The following GRID2 variants were observed in gnomAD, a reference collection of about 807,000 sequenced individuals.
GRID2 encodes glutamate receptor ionotropic, delta-2.
GRID2 carries 33 observed loss-of-function variants against 114.8 expected under a neutral mutation model. The observed-to-expected ratio is 0.29, with a 90% CI of 0.22 to 0.38. The LOEUF is 0.38. Ranked by LOEUF, GRID2 falls within the 10% of genes least tolerant of loss-of-function variation. The pLI is 1.00. For synonymous variants in GRID2, 505 were observed against 449.9 expected, an observed-to-expected ratio of 1.12 and a Z score of -1.55; for missense variants, 1,184 against 1,257.7, an observed-to-expected ratio of 0.94 and a Z score of 0.89.
At chr4:93,248,955 G>T (rs1748511123) in intron 8 of GRID2, among the ~76,000 whole-genome samples, 2 of 152,258 alleles carry the variant, frequency 1.3e-5, no homozygotes, top group Admixed American at 6.5e-5. Context: ...TGTAGTGACT[G>T]AAAATTGATT....
chr4:93,557,115 C>G (rs143722509), intron 13 of GRID2, among the ~76,000 whole-genome samples: 1 of 152,116 alleles, frequency 6.6e-6, no homozygotes, highest in Admixed American at 6.6e-5. Flanking sequence ...GAGGAAAAAA[C>G]GGTACCAGCC....
chr4:92,485,611 A>G (rs1319945242), intron 1 of GRID2, among the ~76,000 whole-genome samples: 4 of 151,316 alleles, frequency 2.6e-5, no homozygotes, highest in Non-Finnish European at 5.9e-5. Context: ...GATTGCTTGA[A>G]CCTGTGAGGC....
intron 8 of GRID2, among the ~76,000 whole-genome samples, chr4:93,371,428 G>T (rs868368543): frequency 6.6e-6 from 1 of 151,846 alleles, no homozygotes; most frequent in South Asian, 2.1e-4. Flanking sequence ...TATTATTCTA[G>T]ATACTGTACT....
At chr4:93,728,089 T>G in intron 14 of GRID2, among the ~76,000 whole-genome samples, 1 of 152,156 alleles carries the variant, frequency 6.6e-6, no homozygotes, top group African/African-American at 2.4e-5. Flanking sequence ...GGGTGTCAAT[T>G]TTAGATCTTT....
intron 2 of GRID2, among the ~76,000 whole-genome samples, chr4:92,858,062 T>C (rs1049605437): frequency 6.6e-6 from 1 of 152,162 alleles, no homozygotes; most frequent in African/African-American, 2.4e-5. Flanking sequence ...AGACATAGTG[T>C]TCAGAAAACA....
chr4:92,854,532 T>G (rs1166812922), intron 2 of GRID2, among the ~76,000 whole-genome samples: 3 of 151,652 alleles, frequency 2.0e-5, no homozygotes, highest in East Asian at 1.9e-4. Context: ...GAAGTTGTGA[T>G]GTGTGTTTGT....
At position 93,552,218 on chromosome 4, in the gene GRID2, T is replaced by C. The variant is rs989185297; in HGVS notation, c.2193+36807T>C. Among the ~76,000 whole-genome samples, 9 of 152,134 alleles carry C rather than the reference T, an allele frequency of 5.9e-5. No homozygotes were observed. In the South Asian group the frequency reaches 8.3e-4, roughly 14 times the overall value. On this transcript the variant is annotated intron_variant, in intron 13 of 15. Coordinates refer to ENST00000282020, the MANE Select transcript of GRID2 (RefSeq NM_001510.4). ...TACAAAGGACATGAACTCATCATTT[T>C]TTATGGCTGCATAGTATTCCATGGT...
intron 3 of GRID2, among the ~76,000 whole-genome samples, chr4:93,100,793 T>A (rs1315074061): frequency 6.6e-6 from 1 of 151,926 alleles, no homozygotes. Context: ...AGGAAAAAAA[T>A]AAGACACAAA....
At chr4:92,321,079 G>A (rs1726289429) in intron 1 of GRID2, among the ~76,000 whole-genome samples, 1 of 152,094 alleles carries the variant, frequency 6.6e-6, no homozygotes, top group Non-Finnish European at 1.5e-5. Flanking sequence ...ATCGAAATAT[G>A]TTTTATAGAA....
At chr4:92,883,201 T>A (rs1746141990) in intron 2 of GRID2, among the ~76,000 whole-genome samples, 1 of 152,228 alleles carries the variant, frequency 6.6e-6, no homozygotes, top group Non-Finnish European at 1.5e-5. Context: ...TAGGAGTAGA[T>A]TCCACCTCAA....
chr4:93,699,820 C>T (rs1053956878), intron 14 of GRID2, among the ~76,000 whole-genome samples: 16 of 152,108 alleles, frequency 1.1e-4, no homozygotes, highest in Non-Finnish European at 2.9e-5. Flanking sequence ...AGATGATATT[C>T]CAACTTTCTC....
At chr4:92,675,447 A>G (rs1000476595) in intron 2 of GRID2, among the ~76,000 whole-genome samples, 3 of 152,056 alleles carry the variant, frequency 2.0e-5, no homozygotes, top group Admixed American at 6.5e-5. Context: ...TACTCTGTAC[A>G]TTAAATTTCA....
chr4:93,103,925 T>C lies in GRID2; in HGVS notation c.530-6823T>C, dbSNP rs573794128. ...GCAAAAATCTTCATTTTTTTTTTTT[T>C]TTAAGTTTCAGCTTTTACTTTAGGT... On this transcript the variant is annotated intron_variant, in intron 3 of 15. Transcript: ENST00000282020. Among the ~76,000 whole-genome samples, 8 of 152,132 alleles carry C rather than the reference T, an allele frequency of 5.3e-5. No individual in the cohort carries two copies. In the East Asian group the frequency reaches 1.5e-3, roughly 29 times the overall value.
chr4:93,123,544 C>G (rs1733984416), intron 4 of GRID2, among the ~76,000 whole-genome samples: 1 of 152,068 alleles, frequency 6.6e-6, no homozygotes, highest in Non-Finnish European at 1.5e-5. Flanking sequence ...GTATATGATT[C>G]CATACCCCAA....
At chr4:92,935,338 C>A (rs1051400298) in intron 2 of GRID2, among the ~76,000 whole-genome samples, 1 of 146,876 alleles carries the variant, frequency 6.8e-6, no homozygotes, top group African/African-American at 2.4e-5. Context: ...CAATGAGATA[C>A]CATCTCACAC....
At chr4:92,654,903 A>G (rs1485790777) in intron 2 of GRID2, among the ~76,000 whole-genome samples, 1 of 151,960 alleles carries the variant, frequency 6.6e-6, no homozygotes, top group Non-Finnish European at 1.5e-5. Flanking sequence ...TTTTTAGTTG[A>G]ATATGTCTCA....
At chr4:92,788,550 T>A (rs183963063) in intron 2 of GRID2, among the ~76,000 whole-genome samples, 2 of 152,032 alleles carry the variant, frequency 1.3e-5, no homozygotes, top group Admixed American at 1.3e-4. Flanking sequence ...GTTCACATTC[T>A]TTTTAGAAAT....
chr4:93,035,751 A>G (rs1198259115), intron 2 of GRID2, among the ~76,000 whole-genome samples: 3 of 152,168 alleles, frequency 2.0e-5, no homozygotes, highest in Non-Finnish European at 4.4e-5. Context: ...TACAGGGCAG[A>G]TCACAATGTG....
intron 13 of GRID2, among the ~76,000 whole-genome samples, chr4:93,530,594 A>C (rs1312135361): frequency 4.6e-5 from 7 of 152,066 alleles, no homozygotes; most frequent in Admixed American, 2.6e-4. Context: ...TGTCTTTCCT[A>C]AAATATTTTC....
Sources: gnomAD v4.1 joint callset for allele counts (sites outside exome capture counted in the v4.1 genomes callset) on GRCh38, gnomAD v4.1.1 for gene constraint, MANE v1.5 for transcripts, NCBI Gene and HGNC (gene_info 2026-07-23, HGNC 2026-07-21) for gene names.